The following PDE4D variants were observed in gnomAD, a reference collection of about 807,000 sequenced individuals.
The protein encoded by PDE4D is phosphodiesterase 4D, also known as 3',5'-cyclic-AMP phosphodiesterase 4D.
In PDE4D, 24 loss-of-function variants were observed where a neutral mutation model predicts 87.4. The observed-to-expected ratio is 0.27, with a 90% CI of 0.20 to 0.39. PDE4D has a LOEUF of 0.39. Among genes scored for constraint, PDE4D ranks in the 10% least tolerant of loss-of-function variants. The pLI is 1.00. For synonymous variants in PDE4D, 384 were observed against 383.2 expected (o/e 1.00, Z -0.02); for missense variants, 714 against 1,041.0 (o/e 0.69, Z 4.32).
chr5:59,778,545 T>C (rs1409794679), intron 1 of PDE4D, among the ~76,000 whole-genome samples: 1 of 150,990 alleles, frequency 6.6e-6, no homozygotes, highest in African/African-American at 2.5e-5. Flanking sequence ...CCTGTAATTA[T>C]ATAAACATTG....
At chr5:59,766,144 G>T (rs1762764195) in intron 1 of PDE4D, among the ~76,000 whole-genome samples, 1 of 152,206 alleles carries the variant, frequency 6.6e-6, no homozygotes, top group Non-Finnish European at 1.5e-5. Context: ...GCACAAATGA[G>T]ATTTTTGTCA....
At chr5:60,232,168 A>G (rs1745890852) in intron 1 of PDE4D, among the ~76,000 whole-genome samples, 1 of 151,978 alleles carries the variant, frequency 6.6e-6, no homozygotes, top group South Asian at 2.1e-4. Flanking sequence ...AATTGCTTCA[A>G]TTAAAGCAGT....
chr5:59,641,811 A>C (rs1741628641), intron 1 of PDE4D, among the ~76,000 whole-genome samples: 1 of 152,218 alleles, frequency 6.6e-6, no homozygotes, highest in Non-Finnish European at 1.5e-5. Context: ...TCAGAATTTA[A>C]AGCTTTTTGA....
intron 1 of PDE4D, among the ~76,000 whole-genome samples, chr5:59,311,995 A>T (rs1404634717): frequency 6.6e-6 from 1 of 152,036 alleles, no homozygotes; most frequent in Non-Finnish European, 1.5e-5. Flanking sequence ...CCTCCTTTGG[A>T]GGTGAAAGAG....
intron 1 of PDE4D, among the ~76,000 whole-genome samples, chr5:59,871,477 T>C (rs1446059054): frequency 1.3e-5 from 2 of 152,176 alleles, no homozygotes; most frequent in Non-Finnish European, 2.9e-5. Context: ...AAGTAACAAA[T>C]GTGTATTGTT....
chr5:59,231,056 T>C (rs367687497), intron 1 of PDE4D, among the ~76,000 whole-genome samples: 25 of 152,210 alleles, frequency 1.6e-4, no homozygotes, highest in African/African-American at 6.0e-4. Flanking sequence ...CTTTCTCTCA[T>C]GATTTCTTAT....
intron 2 of PDE4D, among the ~76,000 whole-genome samples, chr5:60,078,191 C>G (rs1773525614): frequency 6.6e-6 from 1 of 152,136 alleles, no homozygotes; most frequent in Non-Finnish European, 1.5e-5. Flanking sequence ...TCTCCCCTAC[C>G]TTGAAAGTTT....
At chr5:59,984,166 C>A (rs532371927) in intron 3 of PDE4D, among the ~76,000 whole-genome samples, 1 of 152,228 alleles carries the variant, frequency 6.6e-6, no homozygotes, top group South Asian at 2.1e-4. Context: ...ATGGTGATTA[C>A]ATGACAGTAT....
chr5:60,195,405 G>A (rs1423020609), intron 1 of PDE4D, among the ~76,000 whole-genome samples: 1 of 151,718 alleles, frequency 6.6e-6, no homozygotes, highest in Admixed American at 6.6e-5. Context: ...CTTAGTAAAT[G>A]TTTACTGATT....
chr5:59,106,012 T>C (rs1393896335), intron 5 of PDE4D, among the ~76,000 whole-genome samples: 1 of 152,198 alleles, frequency 6.6e-6, no homozygotes, highest in Non-Finnish European at 1.5e-5. Context: ...GAAATAGAAA[T>C]ATAATCTTAG....
intron 1 of PDE4D, among the ~76,000 whole-genome samples, chr5:59,476,233 A>T (rs1165086036): frequency 6.6e-6 from 1 of 151,882 alleles, no homozygotes. Context: ...AACAGACAAA[A>T]CCTAATCTTA....
At chr5:60,146,109 G>C (rs1378625397) in intron 2 of PDE4D, among the ~76,000 whole-genome samples, 3 of 152,186 alleles carry the variant, frequency 2.0e-5, no homozygotes, top group Non-Finnish European at 4.4e-5. Context: ...AGCTGCTCAG[G>C]AGGCTGAGAC....
intron 1 of PDE4D, among the ~76,000 whole-genome samples, chr5:59,528,042 A>T (rs758727827): frequency 2.6e-5 from 4 of 152,206 alleles, no homozygotes; most frequent in Non-Finnish European, 5.9e-5. Flanking sequence ...TGTGAACTGC[A>T]CGCTTAAAGG....
intron 1 of PDE4D, among the ~76,000 whole-genome samples, chr5:59,405,105 A>G (rs1330394274): frequency 6.7e-6 from 1 of 149,790 alleles, no homozygotes; most frequent in Non-Finnish European, 1.5e-5. Context: ...ATATTTTTCT[A>G]TATCTGTGAA....
intron 1 of PDE4D, among the ~76,000 whole-genome samples, chr5:59,648,714 T>C (rs1174244117): frequency 2.0e-5 from 2 of 102,516 alleles, no homozygotes; most frequent in African/African-American, 6.5e-5. Context: ...TTTAGGCATC[T>C]AACCTCAAAA....
At chr5:59,923,324 T>C (rs1754884398) in intron 3 of PDE4D, among the ~76,000 whole-genome samples, 1 of 152,228 alleles carries the variant, frequency 6.6e-6, no homozygotes, top group African/African-American at 2.4e-5. Flanking sequence ...TTGGCTATGC[T>C]ACCTGCTGAT....
intron 1 of PDE4D, among the ~76,000 whole-genome samples, chr5:60,307,250 G>C (rs1054741377): frequency 3.9e-5 from 6 of 151,996 alleles, no homozygotes; most frequent in African/African-American, 1.4e-4. Context: ...AAGATAAAAG[G>C]AGAAAGATAC....
At chr5:59,693,199 TA>T (rs1250771748) in intron 1 of PDE4D, among the ~76,000 whole-genome samples, 2 of 151,734 alleles carry the variant, frequency 1.3e-5, no homozygotes, top group Non-Finnish European at 2.9e-5. Context: ...AAAAAATATA[TA>T]AATAAAATAA....
intron 6 of PDE4D, among the ~76,000 whole-genome samples, chr5:59,031,456 C>T (rs1404470370): frequency 1.4e-5 from 2 of 138,488 alleles, no homozygotes; most frequent in Non-Finnish European, 3.1e-5. Context: ...ATCTGTAATC[C>T]CAGCACTTTG....
Sources: gnomAD v4.1 joint callset for allele counts (sites outside exome capture counted in the v4.1 genomes callset) on GRCh38, gnomAD v4.1.1 for gene constraint, MANE v1.5 for transcripts, NCBI Gene and HGNC (gene_info 2026-07-23, HGNC 2026-07-21) for gene names.